KSR2: variants seen among roughly 807,000 people sequenced by gnomAD.
The protein encoded by KSR2 is kinase suppressor of ras 2.
KSR2 carries 25 observed loss-of-function variants against 107.8 expected under a neutral mutation model. The ratio of observed to expected loss-of-function variants is 0.23; its 90% CI spans 0.17 to 0.32. The LOEUF is 0.32. Among genes scored for constraint, KSR2 ranks in the 10% least tolerant of loss-of-function variants. The pLI, the probability that KSR2 is intolerant of heterozygous loss-of-function variation, is 1.00. For missense variants in KSR2, 887 were observed against 1,268.9 expected, an observed-to-expected ratio of 0.70 and a Z score of 4.57; for synonymous variants, 480 against 507.0, an observed-to-expected ratio of 0.95 and a Z score of 0.71.
At chr12:117,793,885 C>T (rs1198066013) in intron 3 of KSR2, among the ~76,000 whole-genome samples, 1 of 144,456 alleles carries the variant, frequency 6.9e-6, no homozygotes, top group Admixed American at 6.9e-5. Context: ...ACACATACAA[C>T]ATGCACACAC....
At chr12:117,666,404 CTGAG>C (rs1256204810) in intron 5 of KSR2, among the ~76,000 whole-genome samples, 1 of 152,228 alleles carries the variant, frequency 6.6e-6, no homozygotes, top group African/African-American at 2.4e-5. Flanking sequence ...AGGCATTCTG[CTGAG>C]TATTTGAGCG....
chr12:117,467,919 G>GT (rs5801231), intron 19 of KSR2: 72,053 of 290,998 alleles, frequency 0.25, 7,212 homozygotes, highest in Non-Finnish European at 0.28. Context: ...ACAGTCCTGT[G>GT]TTTTTTTTTT....
chr12:117,770,022 C>G (rs1889379868), intron 3 of KSR2, among the ~76,000 whole-genome samples: 1 of 151,558 alleles, frequency 6.6e-6, no homozygotes, highest in Middle Eastern at 3.4e-3. Context: ...TCATTGCACT[C>G]CAGCCTGGAT....
At chr12:117,723,957 C>T (rs979882487) in intron 4 of KSR2, among the ~76,000 whole-genome samples, 2 of 152,074 alleles carry the variant, frequency 1.3e-5, no homozygotes, top group African/African-American at 4.8e-5. Context: ...CCTGTTCTTA[C>T]TATTTATTTC....
In KSR2 at chr12:117,473,073, G is replaced by A. The variant is rs573419251; in HGVS notation, c.2583-1753C>T. Among the ~76,000 whole-genome samples, 69 of 152,242 alleles carry A rather than the reference G, an allele frequency of 4.5e-4. No individual in the cohort carries two copies. The Middle Eastern group carries it at 0.01, about 23-fold the overall frequency. On this transcript the variant is annotated intron_variant, in intron 17 of 19. Transcript: ENST00000339824. Reference sequence around the variant, plus strand: ...CAGCCCCTATACACCAGAGCCTGCTGAAATCATTCAAACAAGCCAATCCTA... The same window carrying A: ...CAGCCCCTATACACCAGAGCCTGCTAAAATCATTCAAACAAGCCAATCCTA...
chr12:117,786,094 A>G (rs1432182737), intron 3 of KSR2, among the ~76,000 whole-genome samples: 2 of 152,220 alleles, frequency 1.3e-5, no homozygotes, highest in African/African-American at 4.8e-5. Flanking sequence ...TGCATTATAG[A>G]TAAAAGGACA....
At chr12:117,581,793 A>T (rs1283306602) in intron 6 of KSR2, among the ~76,000 whole-genome samples, 1 of 152,238 alleles carries the variant, frequency 6.6e-6, no homozygotes, top group Non-Finnish European at 1.5e-5. Context: ...GAGAATGTGC[A>T]CCTGCAGTCT....
chr12:117,490,114 C>T (rs1209043337), intron 14 of KSR2, among the ~76,000 whole-genome samples: 3 of 152,132 alleles, frequency 2.0e-5, no homozygotes, highest in Non-Finnish European at 4.4e-5. Context: ...CCTAGAGGAC[C>T]AGCTCGTGGA....
At chr12:117,469,048 T>C (rs1200232194) in intron 19 of KSR2, among the ~76,000 whole-genome samples, 1 of 152,110 alleles carries the variant, frequency 6.6e-6, no homozygotes, top group Non-Finnish European at 1.5e-5. Flanking sequence ...AGCTCAGTCA[T>C]GGAAGCTGGG....
chr12:117,885,174 G>A (rs1253146440), intron 1 of KSR2, among the ~76,000 whole-genome samples: 1 of 152,196 alleles, frequency 6.6e-6, no homozygotes, highest in Non-Finnish European at 1.5e-5. Flanking sequence ...CCCCTCTAGG[G>A]TTCCACAGCT....
intron 16 of KSR2, 92 bp downstream of exon 16, chr12:117,484,324 G>A: frequency 2.1e-6 from 3 of 1,436,266 alleles, no homozygotes; most frequent in Non-Finnish European, 2.9e-6. Flanking sequence ...GACCAACCCT[G>A]AGTCTAGGTC....
intron 4 of KSR2, among the ~76,000 whole-genome samples, chr12:117,759,934 C>T (rs1888934658): frequency 6.6e-6 from 1 of 152,078 alleles, no homozygotes; most frequent in African/African-American, 2.4e-5. Context: ...ATGGTGAAAC[C>T]CTATCTCTAC....
chr12:117,968,269 A>G lies in KSR2; in HGVS notation c.-14T>C. On this transcript the variant is annotated 5_prime_UTR_variant, in exon 1 of 20. Transcript: ENST00000339824. ...TTCCTCATCCATCGCTTGCTCTGCA[A>G]CCCCCTTCCCCTCCTCCTCCTCCCA... The G allele has an allele frequency of 1.2e-6, 1 of 863,558 alleles. No individual in the cohort carries two copies. Among genetic ancestry groups the G allele is most frequent in the East Asian group, 6.5e-5 (1 of 15,434 alleles). 53.5% of individuals were successfully genotyped at this position (863,558 alleles called of 1,614,324 possible). A position where few individuals can be genotyped will look rare whatever the true frequency, so the allele number is the denominator to read the frequency against.
intron 5 of KSR2, among the ~76,000 whole-genome samples, chr12:117,627,675 T>A (rs1882594784): frequency 2.0e-5 from 3 of 152,206 alleles, no homozygotes. Flanking sequence ...GACAATTATG[T>A]GTCTTGGGGT....
intron 14 of KSR2, among the ~76,000 whole-genome samples, chr12:117,502,227 G>A (rs1028335602): frequency 1.3e-5 from 2 of 152,252 alleles, no homozygotes; most frequent in Non-Finnish European, 2.9e-5. Flanking sequence ...GACTGTAGGC[G>A]CATGTGTGTG....
chr12:117,841,440 CT>C (rs1363422321), intron 3 of KSR2, among the ~76,000 whole-genome samples: 1 of 152,188 alleles, frequency 6.6e-6, no homozygotes, highest in Non-Finnish European at 1.5e-5. Context: ...GCAGCCTAAT[CT>C]GCCCACCACT....
chr12:117,896,338 C>G (rs1447093963), intron 1 of KSR2, among the ~76,000 whole-genome samples: 3 of 151,964 alleles, frequency 2.0e-5, no homozygotes, highest in African/African-American at 7.3e-5. Context: ...TACATGGAGA[C>G]AAGAAGTAGA....
intron 1 of KSR2, among the ~76,000 whole-genome samples, chr12:117,881,512 T>C (rs1894026558): frequency 1.3e-5 from 2 of 152,260 alleles, no homozygotes; most frequent in Non-Finnish European, 2.9e-5. Context: ...AGCCCCGCTG[T>C]GTCATTTCTC....
chr12:117,778,700 G>A (rs1040825819), intron 3 of KSR2, among the ~76,000 whole-genome samples: 2 of 152,186 alleles, frequency 1.3e-5, no homozygotes, highest in African/African-American at 4.8e-5. Context: ...GGGAGAAGGA[G>A]GTGAGAAGCT....
Sources: gnomAD v4.1 joint callset for allele counts (sites outside exome capture counted in the v4.1 genomes callset) on GRCh38, gnomAD v4.1.1 for gene constraint, MANE v1.5 for transcripts, NCBI Gene and HGNC (gene_info 2026-07-23, HGNC 2026-07-21) for gene names.